The following TTLL13 variants were observed in gnomAD, a reference collection of about 807,000 sequenced individuals.
TTLL13 encodes tubulin tyrosine ligase like 13.
chr15:90,253,458 C>T, the TTLL13 span: 1 of 831,782 alleles, frequency 1.2e-6, no homozygotes, highest in Non-Finnish European at 1.9e-6. Flanking sequence ...GACTGCTACT[C>T]TTTGTGGCTG....
the TTLL13 span, chr15:90,263,996 C>A: frequency 6.5e-7 from 1 of 1,536,128 alleles, no homozygotes; most frequent in South Asian, 1.2e-5. Flanking sequence ...AACTCCTGTT[C>A]ATTGTCAATG....
chr15:90,251,131 T>TTTTTTTTTTTTTTA, the TTLL13 span, among the ~76,000 whole-genome samples: 1 of 145,476 alleles, frequency 6.9e-6, no homozygotes, highest in African/African-American at 2.6e-5. Flanking sequence ...TTTTTTTTTT[T>TTTTTTTTTTTTTTA]GAGACAGAGT....
the TTLL13 span, chr15:90,251,585 T>A: frequency 6.2e-7 from 1 of 1,614,010 alleles, no homozygotes; most frequent in Non-Finnish European, 8.5e-7. Context: ...CAACTGCAAG[T>A]ATGAGAGTGG....
chr15:90,252,043 C>CTTTTTTTTTTTTTT, the TTLL13 span, among the ~76,000 whole-genome samples: 21 of 133,458 alleles, frequency 1.6e-4, no homozygotes, highest in African/African-American at 2.7e-4. Context: ...TCACCTAATT[C>CTTTTTTTTTTTTTT]TTTTTTTTTT....
the TTLL13 span, chr15:90,263,422 C>T: frequency 2.1e-6 from 1 of 483,938 alleles, no homozygotes; most frequent in African/African-American, 1.9e-5. Flanking sequence ...CCCAAAATAA[C>T]CCCACACTCA....
chr15:90,261,342 G>A, the TTLL13 span, among the ~76,000 whole-genome samples: 39 of 147,878 alleles, frequency 2.6e-4, no homozygotes, highest in South Asian at 1.3e-3. Flanking sequence ...GCCTCCCAAA[G>A]TGCTTGCATT....
the TTLL13 span, among the ~76,000 whole-genome samples, chr15:90,256,610 C>T: frequency 0.21 from 7,751 of 36,782 alleles, 429 homozygotes; most frequent in African/African-American, 0.39. Context: ...TCTTTCTTTC[C>T]TTCCTTCCTT....
chr15:90,252,505 G>C, the TTLL13 span, among the ~76,000 whole-genome samples: 1 of 152,292 alleles, frequency 6.6e-6, no homozygotes, highest in African/African-American at 2.4e-5. Context: ...CCAGAGATGA[G>C]ACAAGCTTAA....
At chr15:90,262,044 A>C in the TTLL13 span, 24 of 1,535,854 alleles carry the variant, frequency 1.6e-5, no homozygotes, top group East Asian at 5.4e-4. Context: ...GCAATGCTGG[A>C]CCAGGAACGA....
chr15:90,256,225 C>A, the TTLL13 span: 1 of 1,614,198 alleles, frequency 6.2e-7, no homozygotes, highest in Non-Finnish European at 8.5e-7. Context: ...AGGGACGTGG[C>A]ATCTTCATTA....
chr15:90,251,280 AT>A, the TTLL13 span, among the ~76,000 whole-genome samples: 2,005 of 109,488 alleles, frequency 0.018, 72 homozygotes, highest in African/African-American at 0.062. Context: ...CGCATGGCAA[AT>A]TTTTTTTTTT....
At chr15:90,255,146 A>T in the TTLL13 span, among the ~76,000 whole-genome samples, 5 of 152,202 alleles carry the variant, frequency 3.3e-5, no homozygotes, top group Non-Finnish European at 7.3e-5. Flanking sequence ...TCCAACGGAA[A>T]GATTCTCCTC....
chr15:90,252,693 C>T, the TTLL13 span, among the ~76,000 whole-genome samples: 988 of 152,156 alleles, frequency 6.5e-3, 8 homozygotes, highest in African/African-American at 0.023. Context: ...ATAAACATCC[C>T]TGATTGAGAG....
chr15:90,259,792 C>T, the TTLL13 span, among the ~76,000 whole-genome samples: 3 of 152,230 alleles, frequency 2.0e-5, no homozygotes, highest in Non-Finnish European at 2.9e-5. Flanking sequence ...GAATCGTTTA[C>T]ATCCGTGTTG....
At chr15:90,262,582 A>T in the TTLL13 span, 15 of 1,534,932 alleles carry the variant, frequency 9.8e-6, 1 homozygote, top group South Asian at 1.8e-4. Flanking sequence ...ACCAGGGTGA[A>T]TCAGCTGGGG....
At chr15:90,262,690 C>A in the TTLL13 span, 4 of 1,457,214 alleles carry the variant, frequency 2.7e-6, no homozygotes, top group East Asian at 1.0e-4. Context: ...TTTTGTAGCT[C>A]TTATCTTTCC....
chr15:90,260,317 C>A, the TTLL13 span, among the ~76,000 whole-genome samples: 13 of 151,464 alleles, frequency 8.6e-5, no homozygotes, highest in African/African-American at 2.9e-4. Flanking sequence ...GGGCAACAGG[C>A]AAAACCCTGT....
chr15:90,259,779 A>G, the TTLL13 span, among the ~76,000 whole-genome samples: 1 of 152,248 alleles, frequency 6.6e-6, no homozygotes, highest in Non-Finnish European at 1.5e-5. Flanking sequence ...ATTCAATAAT[A>G]GAGAATCGTT....
the TTLL13 span, among the ~76,000 whole-genome samples, chr15:90,251,183 G>A: frequency 4.2e-5 from 6 of 143,154 alleles, no homozygotes; most frequent in South Asian, 9.0e-4. Context: ...GCGTGATCTC[G>A]GCTCACGGCA....
Sources: allele counts gnomAD v4.1 joint callset (sites outside exome capture counted in the v4.1 genomes callset), GRCh38; gene constraint gnomAD v4.1.1; transcripts MANE v1.5; gene names NCBI Gene and HGNC (gene_info 2026-07-23, HGNC 2026-07-21).